Variants in ANKMY1 observed in about 807,000 individuals in gnomAD.
ANKMY1 encodes ankyrin repeat and MYND domain containing 1.
In ANKMY1, 98 loss-of-function variants were observed where a neutral mutation model predicts 102.0. The observed-to-expected ratio is 0.96, with a 90% CI of 0.82 to 1.14. The LOEUF (loss-of-function observed/expected upper bound fraction) is 1.14. ANKMY1 is among the 50% of genes most tolerant of loss of function. The pLI, the probability that ANKMY1 is intolerant of heterozygous loss-of-function variation, is 0.00. For missense variants in ANKMY1, 1,330 were observed against 1,347.6 expected, an observed-to-expected ratio of 0.99 and a Z score of 0.20; for synonymous variants, 582 against 559.9, an observed-to-expected ratio of 1.04 and a Z score of -0.56.
chr2:240,483,360 T>C (rs1349656767), intron 15 of ANKMY1, among the ~76,000 whole-genome samples: 1 of 152,190 alleles, frequency 6.6e-6, no homozygotes, highest in Admixed American at 6.5e-5. Context: ...TTTCACCGTA[T>C]TGGCCAGGCT....
At chr2:240,544,927 G>T (rs1196008442) in intron 4 of ANKMY1, among the ~76,000 whole-genome samples, 4 of 152,360 alleles carry the variant, frequency 2.6e-5, no homozygotes, top group South Asian at 2.1e-4. Flanking sequence ...CAGCGAGGCT[G>T]GGGGAGGGGC....
intron 4 of ANKMY1, among the ~76,000 whole-genome samples, chr2:240,550,313 C>T (rs997662950): frequency 7.3e-6 from 1 of 137,136 alleles, no homozygotes; most frequent in East Asian, 2.1e-4. Context: ...AATTGAACAA[C>T]GAGAACACAT....
intron 13 of ANKMY1, among the ~76,000 whole-genome samples, chr2:240,502,548 C>G (rs1186769193): frequency 6.6e-6 from 1 of 151,936 alleles, no homozygotes; most frequent in Admixed American, 6.6e-5. Context: ...TTTCTCGCCC[C>G]AGGTCCCATG....
In ANKMY1 at chr2:240,506,048, A is replaced by G. The variant is rs567307446; in HGVS notation, c.2526+1512T>C. On this transcript the variant is annotated intron_variant, in intron 13 of 17. Coordinates refer to ENST00000401804, the MANE Select transcript of ANKMY1 (RefSeq NM_001282771.3). This position sits in a 1 kb window ranked among gnomAD's most constrained non-coding sequence, Gnocchi z 4.9. ...CGGATGAGGCACCGGGGAGCCTCCT[A>G]ACCCCGGACAAGATGCTGGGGAGCC... is the stretch of plus-strand genomic sequence containing the variant. Among the ~76,000 whole-genome samples the G allele has an allele frequency of 8.1e-4, 123 of 152,046 alleles. No individual in the cohort carries two copies. Among genetic ancestry groups the G allele is most frequent in the African/African-American group, 2.9e-3 (122 of 41,504 alleles).
chr2:240,521,550 A>C (rs1264062484), intron 8 of ANKMY1, among the ~76,000 whole-genome samples: 4 of 114,216 alleles, frequency 3.5e-5, no homozygotes, highest in African/African-American at 1.4e-4. Flanking sequence ...CCCAGGCTGG[A>C]GTGCAGTGGC....
chr2:240,481,509 G>C (rs1405885620), intron 16 of ANKMY1, among the ~76,000 whole-genome samples: 1 of 152,274 alleles, frequency 6.6e-6, no homozygotes, highest in South Asian at 2.1e-4. Context: ...GCTGCCTTTG[G>C]GGTGAAACTC....
At chr2:240,478,760 G>T (rs2075031838), downstream of ANKMY1, among the ~76,000 whole-genome samples, 2 of 150,182 alleles carry the variant, frequency 1.3e-5, no homozygotes, top group African/African-American at 4.9e-5. Flanking sequence ...AGGTGCAGCT[G>T]CTTTGACAGC....
chr2:240,530,772 G>A (rs1016126874), intron 4 of ANKMY1, among the ~76,000 whole-genome samples: 11 of 152,146 alleles, frequency 7.2e-5, no homozygotes, highest in South Asian at 6.2e-4. Flanking sequence ...AAATTGTGCT[G>A]GTGTGATGAC....
At chr2:240,468,767 C>T in the ANKMY1 span, among the ~76,000 whole-genome samples, 1 of 152,226 alleles carries the variant, frequency 6.6e-6, no homozygotes, top group Non-Finnish European at 1.5e-5. Flanking sequence ...CTCCAGGCCC[C>T]TTGTGAGCGT....
At chr2:240,538,987 C>T (rs1000722178) in intron 4 of ANKMY1, among the ~76,000 whole-genome samples, 4 of 152,172 alleles carry the variant, frequency 2.6e-5, no homozygotes, top group East Asian at 1.9e-4. Context: ...GGATTGTAAA[C>T]GCACCAATCA....
intron 4 of ANKMY1, 164 bp downstream of exon 4, chr2:240,552,750 T>C (rs1575369405): frequency 1.8e-6 from 2 of 1,103,584 alleles, no homozygotes; most frequent in East Asian, 2.6e-5. Context: ...GCTTTTATTT[T>C]CAGTCTATAT....
chr2:240,472,892 A>G, the ANKMY1 span, among the ~76,000 whole-genome samples: 1 of 152,328 alleles, frequency 6.6e-6, no homozygotes, highest in African/African-American at 2.4e-5. Flanking sequence ...TGGGAGGCTG[A>G]GGCAGGTAGG....
intron 9 of ANKMY1, among the ~76,000 whole-genome samples, chr2:240,516,778 T>A (rs1205317213): frequency 6.6e-6 from 1 of 152,216 alleles, no homozygotes; most frequent in Non-Finnish European, 1.5e-5. Context: ...GAGAGGAAAC[T>A]TCCAGGACTC....
intron 15 of ANKMY1, among the ~76,000 whole-genome samples, chr2:240,495,955 C>T (rs997655072): frequency 6.6e-6 from 1 of 152,198 alleles, no homozygotes; most frequent in African/African-American, 2.4e-5. Flanking sequence ...AGCATTCTCT[C>T]TTGGATAATG....
At position 240,526,292 on chromosome 2, in the gene ANKMY1, C is replaced by T. The variant is rs768331130; in HGVS notation, c.1107G>A (p.Lys369=). ...CCACGTCAGCACTAGCAAAGTTGTC[C>T]TTCAGGATCCTACAAATCCATTCGT... is the stretch of plus-strand genomic sequence containing the variant. The part of the protein sequence containing the change: ...GNHEWICRIL[K]DNFASADVAD... Residue 369 remains lysine (K), a synonymous_variant, in exon 6 of 18, where the codon AAG becomes AAA. Transcript: ENST00000401804. 10 of 1,614,080 alleles carry T rather than the reference C, an allele frequency of 6.2e-6. No individual in the cohort carries two copies. Among genetic ancestry groups the T allele is most frequent in the Non-Finnish European group, 8.5e-6 (10 of 1,180,026 alleles).
At chr2:240,548,771 CAA>C (rs2090944463) in intron 4 of ANKMY1, among the ~76,000 whole-genome samples, 2 of 148,936 alleles carry the variant, frequency 1.3e-5, no homozygotes, top group East Asian at 4.0e-4. Flanking sequence ...ACAATTGCTT[CAA>C]AGAGAATAAA....
chr2:240,524,245 A>G lies in ANKMY1; in HGVS notation c.1472T>C (p.Leu491Pro), dbSNP rs1019424281. 8 of 1,613,860 alleles carry G rather than the reference A, an allele frequency of 5.0e-6. No individual in the cohort carries two copies. The highest frequency in any genetic ancestry group is 5.9e-6 in the Non-Finnish European group (7 of 1,180,024). The change falls in exon 8 of 18, where the codon CTG (leucine) becomes CCG (proline). Residue 491 changes from leucine to proline, a missense_variant. Coordinates refer to ENST00000401804, the MANE Select transcript of ANKMY1 (RefSeq NM_001282771.3). ...ELRPPPAPLL[L>P]PRVSGSHEGG... ...CTCGTGGCTGCCTGAGACGCGTGGC[A>G]GGAGCAGTGGTGCTGGCGGTGGCCT...
At chr2:240,543,879 G>C (rs1157244417) in intron 4 of ANKMY1, among the ~76,000 whole-genome samples, 1 of 152,152 alleles carries the variant, frequency 6.6e-6, no homozygotes, top group Non-Finnish European at 1.5e-5. Flanking sequence ...TTGTGGAACT[G>C]TTCTCATCTA....
At chr2:240,528,975 C>A in intron 5 of ANKMY1, 62 bp downstream of exon 5, 1 of 1,519,810 alleles carries the variant, frequency 6.6e-7, no homozygotes, top group Non-Finnish European at 9.0e-7. Context: ...ACCTCAGGAA[C>A]CTGCCTAGGG....
Sources: gnomAD v4.1 joint callset for allele counts (sites outside exome capture counted in the v4.1 genomes callset) on GRCh38, gnomAD v4.1.1 for gene constraint, Gnocchi (gnomAD v3.1) non-coding constraint, MANE v1.5 for transcripts, NCBI Gene and HGNC (gene_info 2026-07-23, HGNC 2026-07-21) for gene names.